The following ARVCF variants were observed in gnomAD, a reference collection of about 807,000 sequenced individuals.
The protein encoded by ARVCF is ARVCF delta catenin family member.
A neutral mutation model predicts 90.9 loss-of-function variants in ARVCF; 66 were observed. The ratio of observed to expected loss-of-function variants is 0.73; its 90% CI spans 0.60 to 0.89. The LOEUF is 0.89. Among genes scored for constraint, ARVCF ranks in the 40% least tolerant of loss-of-function variants. The pLI is 0.00. For missense variants in ARVCF, 1,469 were observed against 1,382.3 expected (o/e 1.06, Z -1.00); for synonymous variants, 653 against 603.4 (o/e 1.08, Z -1.21).
chr22:19,990,459 T>G, intron 3 of ARVCF, 126 bp downstream of exon 3: 1 of 1,228,180 alleles, frequency 8.1e-7, no homozygotes. Flanking sequence ...CCATTTTCCT[T>G]TCCTCCCCAG....
intron 1 of ARVCF, among the ~76,000 whole-genome samples, chr22:20,011,033 G>T (rs1173157532): frequency 6.6e-6 from 1 of 152,278 alleles, no homozygotes; most frequent in Admixed American, 6.5e-5. Flanking sequence ...AGTACAGGGA[G>T]GGCGGGGAAG....
intron 3 of ARVCF, 98 bp downstream of exon 3, chr22:19,990,487 G>T: frequency 7.2e-7 from 1 of 1,392,716 alleles, no homozygotes; most frequent in Non-Finnish European, 9.8e-7. Context: ...AGCAAATCTT[G>T]CAATAAGCGA....
intron 7 of ARVCF, 39 bp from the exon 8 acceptor site, chr22:19,978,114 C>T: frequency 6.5e-7 from 1 of 1,549,788 alleles, no homozygotes; most frequent in Non-Finnish European, 8.7e-7. Flanking sequence ...CCCTGGCTAC[C>T]AGAAACTCCC....
intron 2 of ARVCF, among the ~76,000 whole-genome samples, chr22:20,000,565 G>C (rs1944409440): frequency 6.6e-6 from 1 of 152,194 alleles, no homozygotes; most frequent in South Asian, 2.1e-4. Flanking sequence ...ACTACAAAGA[G>C]GTGGGAGAAG....
At chr22:20,003,408 A>G (rs760753331) in intron 2 of ARVCF, among the ~76,000 whole-genome samples, 73 of 152,326 alleles carry the variant, frequency 4.8e-4, no homozygotes, top group Non-Finnish European at 1.0e-3. Flanking sequence ...CACTACAAGA[A>G]AAGAAAACCA....
intron 2 of ARVCF, among the ~76,000 whole-genome samples, chr22:20,002,201 C>G (rs1944470995): frequency 6.6e-6 from 1 of 152,186 alleles, no homozygotes; most frequent in Non-Finnish European, 1.5e-5. Flanking sequence ...ATGTGTCTAC[C>G]TCTGGCTTTT....
At chr22:19,976,749 G>A (rs1356113069) in intron 9 of ARVCF, 26 bp from the exon 10 acceptor site, 2 of 1,557,328 alleles carry the variant, frequency 1.3e-6, no homozygotes, top group East Asian at 4.7e-5. Context: ...AAGCAGAGGA[G>A]AGAGGAGAGG....
chr22:20,011,562 G>A (rs1944833087), intron 1 of ARVCF, among the ~76,000 whole-genome samples: 1 of 152,178 alleles, frequency 6.6e-6, no homozygotes, highest in Non-Finnish European at 1.5e-5. Flanking sequence ...CCTCAGGGTG[G>A]GATCATGGGG....
chr22:19,980,453 C>G lies in ARVCF; in HGVS notation c.897-211G>C, dbSNP rs1943430841. 4 of 663,676 alleles carry G rather than the reference C, an allele frequency of 6.0e-6. No individual in the cohort carries two copies. In the Admixed American group the frequency reaches 1.2e-4, roughly 19 times the overall value. 41.1% of individuals were successfully genotyped at this position (663,676 alleles called of 1,614,324 possible). A position where few individuals can be genotyped will look rare whatever the true frequency, so the allele number is the denominator to read the frequency against. On this transcript the variant is annotated intron_variant, in intron 5 of 19. Transcript: ENST00000263207. Reference sequence around the variant, plus strand: ...TTCAGAGCCAAATGCCAAACCCCAGCCAGCGGCTACCAGGACCCAGGCAAC... The same window carrying G: ...TTCAGAGCCAAATGCCAAACCCCAGGCAGCGGCTACCAGGACCCAGGCAAC...
intron 9 of ARVCF, 142 bp from the exon 10 acceptor site, chr22:19,976,865 C>A: frequency 1.0e-6 from 1 of 961,706 alleles, no homozygotes; most frequent in Non-Finnish European, 1.6e-6. Flanking sequence ...CTCATCCCAT[C>A]ACTTCTGGGC....
At position 19,982,004 on chromosome 22, in the gene ARVCF, G is replaced by A. The variant is rs1943532567; in HGVS notation, c.298C>T (p.Pro100Ser). The A allele has an allele frequency of 6.2e-7, 1 of 1,613,126 alleles. No individual in the cohort carries two copies. Among genetic ancestry groups the A allele is most frequent in the Non-Finnish European group, 8.5e-7 (1 of 1,179,982 alleles). The change falls in exon 4 of 20, where the codon CCC becomes TCC. Residue 100 changes from proline (P) to serine (S), a missense_variant. Pro to Ser is a moderately conservative substitution (Grantham distance 74, BLOSUM62 -1). Transcript: ENST00000263207. ...GACACATGGGAAGTGGGTGTGCCGG[G>A]GTCCTCCTCCACCGTCACGGTCTCC... The part of the protein sequence containing the change: ...LEETVTVEED[P>S]GTPTSHVSIV...
At chr22:19,979,308 C>T in intron 6 of ARVCF, 1 of 575,154 alleles carries the variant, frequency 1.7e-6, no homozygotes. Context: ...CAGTGCTGTC[C>T]CGTCCCACCC....
Position 19,972,779 on chromosome 22 carries a change from C to A in ARVCF, c.2599G>T (p.Gly867Cys), listed in dbSNP as rs989771328. The change falls in exon 16 of 20, where the codon GGC becomes TGC. Residue 867 changes from glycine to cysteine, a missense_variant. Gly to Cys is a radical substitution (Grantham distance 159, BLOSUM62 -3). Transcript: ENST00000263207. The part of the protein sequence containing the change: ...KGPKGALSPG[G>C]FDDSTLPLVD... Reference sequence around the variant, plus strand: ...AGTGGCAGCGTGCTGTCATCGAAGCCCCCAGGACTCAGTGCTCCCTTAGGC... The same window carrying A: ...AGTGGCAGCGTGCTGTCATCGAAGCACCCAGGACTCAGTGCTCCCTTAGGC... 1.9e-5 allele frequency: 31 copies of A among 1,613,414 alleles called. No individual in the cohort carries two copies. The Admixed American group carries it at 4.2e-4, about 22-fold the overall frequency.
chr22:19,971,826 C>T, intron 18 of ARVCF, 60 bp downstream of exon 18: 1 of 1,578,212 alleles, frequency 6.3e-7, no homozygotes, highest in South Asian at 1.1e-5. Context: ...GGCTGCTCTC[C>T]AGCAACCCCT....
chr22:20,011,247 T>C (rs1269262249), intron 1 of ARVCF, among the ~76,000 whole-genome samples: 1 of 152,134 alleles, frequency 6.6e-6, no homozygotes, highest in African/African-American at 2.4e-5. Flanking sequence ...CGGGGACACA[T>C]TCCCTCTCCT....
intron 2 of ARVCF, among the ~76,000 whole-genome samples, chr22:19,996,810 G>A (rs1219864914): frequency 6.6e-6 from 1 of 152,028 alleles, no homozygotes. Context: ...GGTGCCCACT[G>A]TCAGAGAGCC....
intron 3 of ARVCF, among the ~76,000 whole-genome samples, chr22:19,985,102 C>A (rs1943695746): frequency 6.6e-6 from 1 of 152,186 alleles, no homozygotes; most frequent in African/African-American, 2.4e-5. Flanking sequence ...GCCTCTGCCT[C>A]AGACCCAACT....
Position 19,971,899 on chromosome 22 carries a change from T to C in ARVCF, c.2768A>G (p.Lys923Arg), listed in dbSNP as rs377217563. Residue 923 changes from lysine to arginine, a missense_variant, in exon 18 of 20, where the codon AAG becomes AGG. Lys to Arg is a conservative substitution (Grantham distance 26). Coordinates refer to ENST00000263207, the MANE Select transcript of ARVCF (RefSeq NM_001670.3). Reference protein sequence around the residue: ...GASSAGEASEKEPLKLDPSRK... With the variant: ...GASSAGEASEREPLKLDPSRK... ...ATGACCACTTACTTTCAAGGGTTCC[T>C]TCTCAGAGGCCTCTCCTGCAGAGCT... The C allele has an allele frequency of 2.5e-6, 4 of 1,613,350 alleles. No individual in the cohort carries two copies. The Admixed American group carries it at 5.0e-5, about 20-fold the overall frequency.
At chr22:19,979,403 C>T in intron 6 of ARVCF, 1 of 516,998 alleles carries the variant, frequency 1.9e-6, no homozygotes, top group Non-Finnish European at 3.4e-6. Flanking sequence ...TGTCCCTCAG[C>T]TCTCACAAGG....
Sources: allele counts gnomAD v4.1 joint callset (sites outside exome capture counted in the v4.1 genomes callset), GRCh38; gene constraint gnomAD v4.1.1; transcripts MANE v1.5; gene names NCBI Gene and HGNC (gene_info 2026-07-23, HGNC 2026-07-21).